Variants in ESR1 observed in about 807,000 individuals in gnomAD.
ESR1 encodes estrogen receptor.
Under a neutral mutation model 52.7 loss-of-function variants are expected in ESR1, and 12 were observed. That is an observed-to-expected ratio of 0.23 (90% CI 0.15 to 0.37). The LOEUF (loss-of-function observed/expected upper bound fraction) is 0.37. Ranked by LOEUF, ESR1 falls within the 10% of genes least tolerant of loss-of-function variation. ESR1 has a pLI of 1.00. For synonymous variants in ESR1, 305 were observed against 316.8 expected (o/e 0.96, Z 0.39); for missense variants, 584 against 779.7 (o/e 0.75, Z 2.99).
At chr6:151,684,461 C>G (rs1056577045) in intron 1 of ESR1, among the ~76,000 whole-genome samples, 1 of 152,042 alleles carries the variant, frequency 6.6e-6, no homozygotes. Context: ...TGGACGGATT[C>G]GAAATGGTAG....
rs1286427576 is a variant in ESR1, at chr6:152,032,267, CAT to C, written c.1235+20475_1235+20476del. Among the ~76,000 whole-genome samples, 4 of 152,132 alleles carry C rather than the reference CAT, an allele frequency of 2.6e-5. No homozygotes were observed. In the South Asian group the frequency reaches 6.2e-4, roughly 24 times the overall value. On this transcript the variant is annotated intron_variant, in intron 5 of 7. Coordinates refer to ENST00000206249, the MANE Select transcript of ESR1 (RefSeq NM_000125.4). ...GCCCTCTCTCACCACTCCTATTCAA[CAT>C]AGTGTTGGAAGTTCTGGTTAGGGCA...
At chr6:152,117,085 T>G (rs539821994) in intron 6 of ESR1, among the ~76,000 whole-genome samples, 1 of 152,200 alleles carries the variant, frequency 6.6e-6, no homozygotes, top group Non-Finnish European at 1.5e-5. Context: ...CCAGGTAATA[T>G]TGATTCTTTG....
chr6:152,076,483 C>A (rs1167079636), intron 6 of ESR1, among the ~76,000 whole-genome samples: 1 of 152,014 alleles, frequency 6.6e-6, no homozygotes, highest in Non-Finnish European at 1.5e-5. Flanking sequence ...TGGGGTGTTG[C>A]TGAAAAGATA....
At chr6:152,019,844 G>A (rs368893220) in intron 5 of ESR1, among the ~76,000 whole-genome samples, 1 of 152,058 alleles carries the variant, frequency 6.6e-6, no homozygotes, top group Admixed American at 6.5e-5. Flanking sequence ...GAGGGGGTTG[G>A]CCACTTTCAA....
intron 5 of ESR1, among the ~76,000 whole-genome samples, chr6:152,032,730 G>C (rs1450132444): frequency 6.6e-6 from 1 of 152,090 alleles, no homozygotes; most frequent in Non-Finnish European, 1.5e-5. Flanking sequence ...GTAATTTATA[G>C]ATTCAATGCT....
At chr6:151,674,414 C>G (rs527870682) in intron 1 of ESR1, among the ~76,000 whole-genome samples, 1 of 152,258 alleles carries the variant, frequency 6.6e-6, no homozygotes, top group African/African-American at 2.4e-5. Context: ...GCCACATTTC[C>G]TTTATCCAGT....
intron 2 of ESR1, among the ~76,000 whole-genome samples, chr6:151,727,778 T>C (rs374511045): frequency 3.7e-4 from 57 of 152,290 alleles, no homozygotes; most frequent in African/African-American, 1.1e-3. Context: ...TGAATTCTCA[T>C]GAGATCTGAT....
chr6:152,009,394 A>G (rs1250768290), intron 4 of ESR1, among the ~76,000 whole-genome samples: 1 of 152,098 alleles, frequency 6.6e-6, no homozygotes, highest in African/African-American at 2.4e-5. Flanking sequence ...TATATGGTCT[A>G]GCAGGATTTA....
At chr6:152,078,895 C>T (rs2048965641) in intron 6 of ESR1, among the ~76,000 whole-genome samples, 1 of 152,238 alleles carries the variant, frequency 6.6e-6, no homozygotes, top group Non-Finnish European at 1.5e-5. Flanking sequence ...TGAGATCAAC[C>T]TGCAATGCTG....
rs35703789 is a variant in ESR1, at chr6:151,917,639, A to G, written c.761-26534A>G. On this transcript the variant is annotated intron_variant, in intron 3 of 7. Transcript: ENST00000206249. The stretch of plus-strand genomic sequence containing the variant: ...TCTGTTGCTCGGATAAGTTAGCATG[A>G]TTTGACATGCAGTTAAAGGTGTGGT... Among the ~76,000 whole-genome samples, 892 of 152,250 alleles carry G rather than the reference A, an allele frequency of 5.9e-3. 9 individuals carry two copies. The highest frequency in any genetic ancestry group is 0.021 in the African/African-American group (854 of 41,554).
chr6:151,822,171 C>A (rs905516185), intron 1 of ESR1, among the ~76,000 whole-genome samples: 18 of 152,070 alleles, frequency 1.2e-4, no homozygotes, highest in African/African-American at 4.3e-4. Context: ...AAAAATCTTA[C>A]AATTCACAAT....
At chr6:151,920,129 A>G (rs1024687279) in intron 3 of ESR1, among the ~76,000 whole-genome samples, 3 of 152,136 alleles carry the variant, frequency 2.0e-5, no homozygotes, top group South Asian at 2.1e-4. Context: ...AGTACATACA[A>G]TGCAATCATT....
rs750209771 is a variant in ESR1 at position 151,807,892 on chromosome 6, C to G, written c.-21C>G. 1 of 1,609,150 alleles carries G rather than the reference C, an allele frequency of 6.2e-7. No homozygotes were observed. The highest frequency in any genetic ancestry group is 1.3e-5 in the African/African-American group (1 of 74,816). ...CTGCCCTGCGGGGACACGGTCTGCACCCTGCCCGCGGCCACGGACCATGAC... is the reference window on the plus strand; with the variant it reads ...CTGCCCTGCGGGGACACGGTCTGCAGCCTGCCCGCGGCCACGGACCATGAC... On this transcript the variant is annotated 5_prime_UTR_variant, in exon 1 of 8. Coordinates refer to ENST00000206249, the MANE Select transcript of ESR1 (RefSeq NM_000125.4).
chr6:151,943,796 C>T (rs912354644), intron 3 of ESR1, among the ~76,000 whole-genome samples: 1 of 152,158 alleles, frequency 6.6e-6, no homozygotes, highest in African/African-American at 2.4e-5. Flanking sequence ...CTTTTTATAA[C>T]ACCTGTTACA....
At chr6:151,658,122 A>G (rs1348060651) in intron 1 of ESR1, among the ~76,000 whole-genome samples, 2 of 152,192 alleles carry the variant, frequency 1.3e-5, no homozygotes, top group African/African-American at 4.8e-5. Flanking sequence ...CAATTCTCCC[A>G]TCACCTGGAC....
chr6:152,031,132 C>A (rs1330422936), intron 5 of ESR1, among the ~76,000 whole-genome samples: 2 of 152,244 alleles, frequency 1.3e-5, no homozygotes, highest in African/African-American at 4.8e-5. Flanking sequence ...GGGACACATT[C>A]AAAGCAGTGT....
At chr6:152,039,820 G>A (rs377674628) in intron 5 of ESR1, among the ~76,000 whole-genome samples, 42 of 152,246 alleles carry the variant, frequency 2.8e-4, no homozygotes, top group East Asian at 1.5e-3. Flanking sequence ...CTATCAATCC[G>A]GCTGCTTCAG....
Position 151,813,756 on chromosome 6 carries a change from T to G in ESR1, c.452+5392T>G, listed in dbSNP as rs184610527. ...TCTTTAATAAGATAGTAGACTTCTT[T>G]GTTTGGTAATGTTCTATTTTTTGGA... On this transcript the variant is annotated intron_variant, in intron 1 of 7. Coordinates refer to ENST00000206249, the MANE Select transcript of ESR1 (RefSeq NM_000125.4). Among the ~76,000 whole-genome samples the G allele has an allele frequency of 1.5e-3, 226 of 152,310 alleles. 2 individuals are homozygous for G. The highest frequency in any genetic ancestry group is 1.4e-3 in the Non-Finnish European group (95 of 68,030).
chr6:152,099,906 TG>T lies in ESR1; in HGVS notation c.*942del. 1 of 398,198 alleles carries T rather than the reference TG, an allele frequency of 2.5e-6. No individual in the cohort carries two copies. The highest frequency in any genetic ancestry group is 4.4e-6 in the Non-Finnish European group (1 of 226,088). The allele number at this position is 398,198 out of a possible 1,614,324, so 24.7% of individuals were successfully genotyped here. On this transcript the variant is annotated 3_prime_UTR_variant, in exon 8 of 8. Transcript: ENST00000206249. ...TTACACAGGGGTGAACTGTTCACTGTGGTGATGCATGATGAGGGTAAATGGT... is the reference window on the plus strand; with the variant it reads ...TTACACAGGGGTGAACTGTTCACTGTGTGATGCATGATGAGGGTAAATGGT...
Sources: gnomAD v4.1 joint callset for allele counts (sites outside exome capture counted in the v4.1 genomes callset) on GRCh38, gnomAD v4.1.1 for gene constraint, MANE v1.5 for transcripts, NCBI Gene and HGNC (gene_info 2026-07-23, HGNC 2026-07-21) for gene names.